Variants in SPAG9 observed in about 807,000 individuals in gnomAD.
The protein encoded by SPAG9 is C-Jun-amino-terminal kinase-interacting protein 4.
In SPAG9, 35 loss-of-function variants were observed where a neutral mutation model predicts 166.5. The observed-to-expected ratio is 0.21, with a 90% CI of 0.16 to 0.28. The LOEUF is 0.28. Ranked by LOEUF, SPAG9 falls within the 10% of genes least tolerant of loss-of-function variation. The pLI, the probability that SPAG9 is intolerant of heterozygous loss-of-function variation, is 1.00. For missense variants in SPAG9, 1,235 were observed against 1,603.3 expected, an observed-to-expected ratio of 0.77 and a Z score of 3.92; for synonymous variants, 534 against 565.5, an observed-to-expected ratio of 0.94 and a Z score of 0.79.
rs2047056198 is a variant in SPAG9 at position 51,047,419 on chromosome 17, G to A, written c.546C>T (p.Leu182=). Residue 182 remains leucine, a synonymous_variant, in exon 4 of 30, where the codon CTC becomes CTT. Coordinates refer to ENST00000262013, the MANE Select transcript of SPAG9 (RefSeq NM_001130528.3). ...TGGATTCTAGTTGATCACTCCCTGA[G>A]AGCTGATGAAGTTTTGTTCTTTCTA... ...EHLERTKLHQ[L]SGSDQLESTA... 8 of 1,594,410 alleles carry A rather than the reference G, an allele frequency of 5.0e-6. No homozygotes were observed. The highest frequency in any genetic ancestry group is 6.8e-6 in the Non-Finnish European group (8 of 1,168,886).
At position 51,041,495 on chromosome 17, in the gene SPAG9, G is replaced by A; in HGVS notation, c.741+6C>T. The A allele has an allele frequency of 6.2e-7, 1 of 1,611,938 alleles. No homozygotes were observed. Among genetic ancestry groups the A allele is most frequent in the South Asian group, 1.1e-5 (1 of 90,644 alleles). Reference sequence around the variant, plus strand: ...ACTGACACAATTTCAGCAGCATAAAGCTTACCTTCAGGCTGGTATGAGAAC... The same window carrying A: ...ACTGACACAATTTCAGCAGCATAAAACTTACCTTCAGGCTGGTATGAGAAC... On this transcript the variant is annotated splice_donor_region_variant and intron_variant, in intron 5 of 29. Transcript: ENST00000262013.
At chr17:51,000,763 A>G (rs758591199) in intron 13 of SPAG9, among the ~76,000 whole-genome samples, 14 of 82,268 alleles carry the variant, frequency 1.7e-4, no homozygotes, top group Admixed American at 3.1e-4. Flanking sequence ...ATGAATAAAT[A>G]AATAAATAAA....
intron 1 of SPAG9, among the ~76,000 whole-genome samples, chr17:51,117,235 GATC>G (rs1204960842): frequency 1.3e-5 from 2 of 152,144 alleles, no homozygotes; most frequent in African/African-American, 4.8e-5. Flanking sequence ...GCAAGCAAGA[GATC>G]ATAGCACCTC....
chr17:51,038,704 C>T (rs2046716257), intron 5 of SPAG9, among the ~76,000 whole-genome samples: 1 of 152,170 alleles, frequency 6.6e-6, no homozygotes, highest in African/African-American at 2.4e-5. Context: ...TGCACCTGCA[C>T]ATCCCCATGT....
chr17:50,987,285 C>A (rs1403948713), intron 21 of SPAG9, 48 bp from the exon 22 acceptor site: 1 of 1,533,558 alleles, frequency 6.5e-7, no homozygotes, highest in Non-Finnish European at 8.8e-7. Context: ...ACTTAACTAT[C>A]GTTATAGTTT....
intron 16 of SPAG9, 192 bp from the exon 17 acceptor site, chr17:50,995,725 G>C: frequency 1.8e-6 from 1 of 544,084 alleles, no homozygotes; most frequent in Non-Finnish European, 3.2e-6. Flanking sequence ...GCAGTGGCTT[G>C]ATCATGGCTC....
intron 1 of SPAG9, among the ~76,000 whole-genome samples, chr17:51,082,954 G>C (rs1162243930): frequency 1.4e-4 from 21 of 152,150 alleles, no homozygotes; most frequent in Admixed American, 1.4e-3. Flanking sequence ...GAACCAAACT[G>C]AGATGTCCTC....
At chr17:51,077,053 G>GCTAT (rs1491115048) in intron 2 of SPAG9, among the ~76,000 whole-genome samples, 109 of 113,164 alleles carry the variant, frequency 9.6e-4, no homozygotes, top group East Asian at 5.3e-3. Flanking sequence ...TAGCTATCTA[G>GCTAT]CTAGCTATCT....
chr17:50,992,638 C>A (rs1286119425), intron 19 of SPAG9, among the ~76,000 whole-genome samples: 1 of 151,756 alleles, frequency 6.6e-6, no homozygotes, highest in Non-Finnish European at 1.5e-5. Context: ...TGTGACTGCA[C>A]CACTGCAATC....
intron 1 of SPAG9, among the ~76,000 whole-genome samples, chr17:51,113,679 C>CAA (rs11329853): frequency 4.7e-5 from 6 of 128,866 alleles, no homozygotes; most frequent in East Asian, 2.8e-4. Context: ...GACCCCATCT[C>CAA]AAAAAAAAAA....
chr17:51,056,533 G>T, intron 2 of SPAG9, 51 bp from the exon 3 acceptor site: 1 of 1,191,488 alleles, frequency 8.4e-7, no homozygotes, highest in Non-Finnish European at 1.2e-6. Context: ...AAATTTACTT[G>T]AAAAAGTACA....
intron 24 of SPAG9, among the ~76,000 whole-genome samples, chr17:50,984,171 C>T (rs1205447477): frequency 6.6e-6 from 1 of 151,966 alleles, no homozygotes; most frequent in Non-Finnish European, 1.5e-5. Context: ...GTTTCTGATA[C>T]CACCACCCCT....
At chr17:50,994,141 G>A (rs1317738348) in intron 18 of SPAG9, among the ~76,000 whole-genome samples, 1 of 152,178 alleles carries the variant, frequency 6.6e-6, no homozygotes, top group African/African-American at 2.4e-5. Context: ...CCCACATGTT[G>A]TGAGAGGGAC....
rs191528046 is a variant in SPAG9, at chr17:51,089,081, G to A, written c.304-9377C>T. On this transcript the variant is annotated intron_variant, in intron 1 of 29. Coordinates refer to ENST00000262013, the MANE Select transcript of SPAG9 (RefSeq NM_001130528.3). ...CACTCCAGCTTGAGCAACAGAGGGA[G>A]ATTCTGTCTCAAAAACAAAACAAAA... Among the ~76,000 whole-genome samples, 164 of 151,440 alleles carry A rather than the reference G, an allele frequency of 1.1e-3. 1 individual carries two copies. The highest frequency in any genetic ancestry group is 3.0e-3 in the Admixed American group (45 of 15,146).
At chr17:51,109,555 G>GA (rs2049047803) in intron 1 of SPAG9, among the ~76,000 whole-genome samples, 2 of 151,908 alleles carry the variant, frequency 1.3e-5, no homozygotes, top group Non-Finnish European at 2.9e-5. Flanking sequence ...ATTTCTTATA[G>GA]AAAAGTAACT....
intron 2 of SPAG9, among the ~76,000 whole-genome samples, chr17:51,066,597 C>T (rs1310667564): frequency 2.7e-5 from 4 of 146,332 alleles, no homozygotes; most frequent in Non-Finnish European, 6.0e-5. Context: ...TGGCTCACGC[C>T]TGTAATCCCA....
intron 12 of SPAG9, among the ~76,000 whole-genome samples, chr17:51,003,029 T>C (rs2045030285): frequency 7.0e-6 from 1 of 143,294 alleles, no homozygotes; most frequent in Admixed American, 7.0e-5. Flanking sequence ...AGGCCAAGAG[T>C]TCAAGACCAG....
intron 21 of SPAG9, 127 bp from the exon 22 acceptor site, chr17:50,987,364 G>C: frequency 3.6e-6 from 3 of 839,246 alleles, no homozygotes; most frequent in Non-Finnish European, 5.2e-6. Flanking sequence ...TTTAGAGATA[G>C]GGTATCACTC....
intron 8 of SPAG9, chr17:51,014,558 GA>G: frequency 2.1e-6 from 1 of 466,402 alleles, no homozygotes; most frequent in South Asian, 4.0e-5. Flanking sequence ...AGAAATTATA[GA>G]ATGTTTTTGT....
Sources: gnomAD v4.1 joint callset for allele counts (sites outside exome capture counted in the v4.1 genomes callset) on GRCh38, gnomAD v4.1.1 for gene constraint, MANE v1.5 for transcripts, NCBI Gene and HGNC (gene_info 2026-07-23, HGNC 2026-07-21) for gene names.